UST: variants seen among roughly 807,000 people sequenced by gnomAD.
UST encodes the protein chondroitin sulfate 2-O-sulfotransferase.
A neutral mutation model predicts 45.6 loss-of-function variants in UST; 21 were observed. The observed-to-expected ratio is 0.46, with a 90% confidence interval of 0.33 to 0.66. The LOEUF (loss-of-function observed/expected upper bound fraction) is 0.66. Among genes scored for constraint, UST ranks in the 30% least tolerant of loss-of-function variants. UST has a pLI of 0.02. For missense variants in UST, 463 were observed against 512.4 expected, an observed-to-expected ratio of 0.90 and a Z score of 0.93; for synonymous variants, 215 against 200.6, an observed-to-expected ratio of 1.07 and a Z score of -0.61.
chr6:149,066,451 G>C (rs992469864), intron 7 of UST, among the ~76,000 whole-genome samples: 1 of 152,050 alleles, frequency 6.6e-6, no homozygotes, highest in Non-Finnish European at 1.5e-5. Flanking sequence ...TGAAGAAGAG[G>C]GGGTGGATGA....
At chr6:148,886,545 G>A (rs1778915269) in intron 1 of UST, among the ~76,000 whole-genome samples, 1 of 152,198 alleles carries the variant, frequency 6.6e-6, no homozygotes, top group South Asian at 2.1e-4. Flanking sequence ...GAGAAAGAGA[G>A]TATGGGGTTC....
intron 1 of UST, among the ~76,000 whole-genome samples, chr6:148,812,312 A>G (rs929808073): frequency 6.6e-6 from 1 of 152,250 alleles, no homozygotes; most frequent in Non-Finnish European, 1.5e-5. Context: ...ATAATATATC[A>G]TAATTTGCTT....
chr6:148,944,753 G>T (rs952966015), intron 3 of UST, among the ~76,000 whole-genome samples: 2 of 152,210 alleles, frequency 1.3e-5, no homozygotes, highest in African/African-American at 4.8e-5. Flanking sequence ...CTGGGCAAGT[G>T]TTGGACTTTC....
intron 7 of UST, among the ~76,000 whole-genome samples, chr6:149,057,803 C>T (rs891164750): frequency 2.0e-5 from 3 of 152,134 alleles, no homozygotes; most frequent in African/African-American, 7.2e-5. Flanking sequence ...ATGTGTTTTA[C>T]AATGAATAGG....
chr6:149,057,421 TAA>T (rs1356895577), intron 7 of UST, among the ~76,000 whole-genome samples: 1 of 152,196 alleles, frequency 6.6e-6, no homozygotes, highest in Non-Finnish European at 1.5e-5. Flanking sequence ...ATAAATGTCT[TAA>T]AGTTTCAGGA....
At chr6:148,854,235 G>T (rs978741271) in intron 1 of UST, among the ~76,000 whole-genome samples, 3 of 152,186 alleles carry the variant, frequency 2.0e-5, no homozygotes, top group African/African-American at 7.2e-5. Flanking sequence ...TCCCTGTACC[G>T]CTGAGCCCAC....
chr6:148,866,148 T>A (rs893289845), intron 1 of UST, among the ~76,000 whole-genome samples: 13 of 95,550 alleles, frequency 1.4e-4, no homozygotes, highest in African/African-American at 5.7e-4. Context: ...CAATATTTAG[T>A]GATAACTAAA....
intron 7 of UST, among the ~76,000 whole-genome samples, chr6:149,031,238 C>T (rs1479242971): frequency 6.6e-6 from 1 of 151,734 alleles, no homozygotes; most frequent in Non-Finnish European, 1.5e-5. Context: ...AAGCTGAAGG[C>T]ATATAACTGG....
intron 2 of UST, among the ~76,000 whole-genome samples, chr6:148,935,844 G>A (rs2114916205): frequency 6.6e-6 from 1 of 152,276 alleles, no homozygotes; most frequent in African/African-American, 2.4e-5. Context: ...AGAGTCCTTA[G>A]GAAGGAGAGA....
intron 2 of UST, among the ~76,000 whole-genome samples, chr6:148,917,617 C>G (rs552559425): frequency 6.6e-6 from 1 of 152,160 alleles, no homozygotes; most frequent in Non-Finnish European, 1.5e-5. Context: ...AGGCCAAATA[C>G]GTATTACGAC....
At chr6:149,034,194 T>G (rs1015573627) in intron 7 of UST, among the ~76,000 whole-genome samples, 1 of 152,232 alleles carries the variant, frequency 6.6e-6, no homozygotes, top group Non-Finnish European at 1.5e-5. Flanking sequence ...TTGTTTCATT[T>G]CTTGCACAAC....
At chr6:148,858,434 A>C (rs1020399249) in intron 1 of UST, among the ~76,000 whole-genome samples, 1 of 151,970 alleles carries the variant, frequency 6.6e-6, no homozygotes, top group Non-Finnish European at 1.5e-5. Context: ...CTGCCTCTCC[A>C]GTCCACTGAC....
chr6:148,989,209 GC>G (rs777308805), intron 5 of UST, among the ~76,000 whole-genome samples: 59 of 95,406 alleles, frequency 6.2e-4, no homozygotes, highest in East Asian at 2.5e-3. Context: ...TTCAGTAAAG[GC>G]CCCCCCCCAC....
chr6:148,933,770 T>C (rs1431310535), intron 2 of UST, among the ~76,000 whole-genome samples: 1 of 152,100 alleles, frequency 6.6e-6, no homozygotes, highest in African/African-American at 2.4e-5. Flanking sequence ...TTGGCGATGA[T>C]CTCAAAATGG....
chr6:149,040,527 T>C (rs531348353), intron 7 of UST, among the ~76,000 whole-genome samples: 28 of 152,098 alleles, frequency 1.8e-4, no homozygotes, highest in Non-Finnish European at 3.5e-4. Flanking sequence ...TGGTGGTGCA[T>C]GCCTGTAATC....
intron 1 of UST, among the ~76,000 whole-genome samples, chr6:148,809,321 G>GT (rs71779192): frequency 0.041 from 5,957 of 143,664 alleles, 152 homozygotes; most frequent in Non-Finnish European, 0.062. Context: ...TTAGTTTTTT[G>GT]TTTTTTTTTT....
intron 1 of UST, among the ~76,000 whole-genome samples, chr6:148,751,501 C>T (rs1347556229): frequency 6.6e-6 from 1 of 152,140 alleles, no homozygotes; most frequent in Non-Finnish European, 1.5e-5. Flanking sequence ...AGTCCTTCTT[C>T]CTAGTCAATT....
chr6:148,772,399 G>T (rs1776446631), intron 1 of UST, among the ~76,000 whole-genome samples: 1 of 151,478 alleles, frequency 6.6e-6, no homozygotes. Context: ...GCCTGGTGGA[G>T]AACTTACCTT....
intron 4 of UST, among the ~76,000 whole-genome samples, chr6:148,954,824 C>T (rs1780451282): frequency 6.6e-6 from 1 of 152,194 alleles, no homozygotes; most frequent in Non-Finnish European, 1.5e-5. Context: ...GATAACAATG[C>T]AAATCTTCAA....
Sources: allele counts gnomAD v4.1 joint callset (sites outside exome capture counted in the v4.1 genomes callset), GRCh38; gene constraint gnomAD v4.1.1; transcripts MANE v1.5; gene names NCBI Gene and HGNC (gene_info 2026-07-23, HGNC 2026-07-21).